Variants in FHIT observed in about 807,000 individuals in gnomAD.
FHIT encodes the protein bis(5'-adenosyl)-triphosphatase.
FHIT carries 19 observed loss-of-function variants against 17.9 expected under a neutral mutation model. The observed-to-expected ratio is 1.06, with a 90% CI of 0.74 to 1.56. The LOEUF (loss-of-function observed/expected upper bound fraction) is 1.56, where lower values mean the gene tolerates loss of function less well. FHIT is among the 40% of genes most tolerant of loss of function. FHIT has a pLI of 0.00. For missense variants in FHIT, 248 were observed against 189.2 expected (o/e 1.31, Z -1.82); for synonymous variants, 81 against 69.7 (o/e 1.16, Z -0.81).
At chr3:60,919,876 A>G (rs1707189932) in intron 3 of FHIT, among the ~76,000 whole-genome samples, 1 of 152,138 alleles carries the variant, frequency 6.6e-6, no homozygotes, top group Admixed American at 6.6e-5. Context: ...TCTACTAAAA[A>G]TACAAAACTT....
At chr3:61,071,656 A>T (rs1471861831) in intron 2 of FHIT, among the ~76,000 whole-genome samples, 1 of 152,188 alleles carries the variant, frequency 6.6e-6, no homozygotes, top group Non-Finnish European at 1.5e-5. Flanking sequence ...AAAACAGTCT[A>T]TGCAGCCTAT....
intron 1 of FHIT, among the ~76,000 whole-genome samples, chr3:61,223,789 T>C (rs909620144): frequency 2.6e-5 from 4 of 152,156 alleles, no homozygotes; most frequent in South Asian, 4.1e-4. Context: ...ACTAACACGA[T>C]GGGTCTAACA....
At chr3:60,804,107 T>C (rs1701298481) in intron 4 of FHIT, among the ~76,000 whole-genome samples, 1 of 152,098 alleles carries the variant, frequency 6.6e-6, no homozygotes, top group Non-Finnish European at 1.5e-5. Context: ...AAAAGCTCCT[T>C]TCATAACCCT....
chr3:60,082,447 T>C (rs1453653661), intron 5 of FHIT, among the ~76,000 whole-genome samples: 1 of 152,144 alleles, frequency 6.6e-6, no homozygotes, highest in East Asian at 1.9e-4. Context: ...CAGGTAGATG[T>C]ATCAGTTTGG....
intron 4 of FHIT, among the ~76,000 whole-genome samples, chr3:60,786,396 T>A (rs1553726961): frequency 6.6e-6 from 1 of 152,214 alleles, no homozygotes; most frequent in Admixed American, 6.5e-5. Context: ...AGTTATTAAG[T>A]CACTCATAAG....
At chr3:59,797,568 T>C (rs1699827000) in intron 8 of FHIT, among the ~76,000 whole-genome samples, 1 of 152,234 alleles carries the variant, frequency 6.6e-6, no homozygotes, top group Non-Finnish European at 1.5e-5. Context: ...GATGAACCAA[T>C]GCATGTAAGG....
At chr3:60,677,646 A>C (rs73099237) in intron 4 of FHIT, among the ~76,000 whole-genome samples, 1 of 93,724 alleles carries the variant, frequency 1.1e-5, no homozygotes, top group African/African-American at 3.6e-5. Context: ...GTGTGTGTGT[A>C]TATATATACA....
At chr3:60,338,940 T>C (rs1284782733) in intron 5 of FHIT, among the ~76,000 whole-genome samples, 1 of 152,168 alleles carries the variant, frequency 6.6e-6, no homozygotes, top group Non-Finnish European at 1.5e-5. Context: ...CTCAGTTTCC[T>C]TAACCCTGAA....
intron 5 of FHIT, among the ~76,000 whole-genome samples, chr3:60,362,360 C>T (rs896294095): frequency 3.9e-5 from 6 of 152,124 alleles, no homozygotes; most frequent in Admixed American, 6.5e-5. Context: ...AAGCTAAAAG[C>T]TTATCAAACA....
Position 61,206,263 on chromosome 3 carries a change from C to T in FHIT, c.-212-5598G>A, listed in dbSNP as rs1290245170. ...AAGTCAGGTAGTGTGATGCCTCCAG[C>T]TCTGTTCTTTTGGCTTAGGATTGAC... On this transcript the variant is annotated intron_variant, in intron 1 of 9. Transcript: ENST00000492590. Among the ~76,000 whole-genome samples, 10 of 131,144 alleles carry T rather than the reference C, an allele frequency of 7.6e-5. 3 individuals carry two copies. Among genetic ancestry groups the T allele is most frequent in the Non-Finnish European group, 4.9e-5 (3 of 61,682 alleles). 86.0% of individuals were successfully genotyped at this position (131,144 alleles called of 152,430 possible). A position where few individuals can be genotyped will look rare whatever the true frequency, so the allele number is the denominator to read the frequency against.
chr3:59,961,306 C>CG (rs1707667231), intron 7 of FHIT, among the ~76,000 whole-genome samples: 1 of 152,072 alleles, frequency 6.6e-6, no homozygotes, highest in Non-Finnish European at 1.5e-5. Flanking sequence ...ATACAATACA[C>CG]GTACCAAGTA....
intron 5 of FHIT, among the ~76,000 whole-genome samples, chr3:60,175,852 T>C (rs2107421955): frequency 6.6e-6 from 1 of 152,224 alleles, no homozygotes; most frequent in African/African-American, 2.4e-5. Context: ...TTAACTACCC[T>C]AGTACAACCC....
chr3:60,342,132 T>C (rs1175541533), intron 5 of FHIT, among the ~76,000 whole-genome samples: 1 of 152,206 alleles, frequency 6.6e-6, no homozygotes, highest in African/African-American at 2.4e-5. Flanking sequence ...GAACTTCCCC[T>C]GGCTTCACCC....
intron 5 of FHIT, among the ~76,000 whole-genome samples, chr3:60,030,293 A>G (rs1288851267): frequency 2.0e-5 from 3 of 152,190 alleles, no homozygotes; most frequent in African/African-American, 4.8e-5. Flanking sequence ...TTTTGACACA[A>G]AAAACAGAAT....
chr3:59,938,463 C>A (rs897840271), intron 7 of FHIT, among the ~76,000 whole-genome samples: 3 of 152,018 alleles, frequency 2.0e-5, no homozygotes, highest in Non-Finnish European at 4.4e-5. Flanking sequence ...TAGGAAGAAC[C>A]AGTCTAGAGA....
chr3:60,321,864 G>A (rs1168866839), intron 5 of FHIT, among the ~76,000 whole-genome samples: 2 of 152,196 alleles, frequency 1.3e-5, no homozygotes, highest in Admixed American at 6.5e-5. Flanking sequence ...GAAGGGGCAA[G>A]GAAGCTCCCT....
At chr3:60,335,491 T>C (rs1320771474) in intron 5 of FHIT, among the ~76,000 whole-genome samples, 1 of 152,170 alleles carries the variant, frequency 6.6e-6, no homozygotes, top group African/African-American at 2.4e-5. Flanking sequence ...CCCACATAAA[T>C]TCAAACACTA....
intron 1 of FHIT, among the ~76,000 whole-genome samples, chr3:61,206,804 CTT>C (rs1221854935): frequency 6.6e-6 from 1 of 152,108 alleles, no homozygotes; most frequent in Non-Finnish European, 1.5e-5. Flanking sequence ...ATTCAATACC[CTT>C]TATTTTCTTC....
At chr3:61,209,664 A>G (rs2039388789) in intron 1 of FHIT, among the ~76,000 whole-genome samples, 1 of 152,122 alleles carries the variant, frequency 6.6e-6, no homozygotes, top group Non-Finnish European at 1.5e-5. Flanking sequence ...CAGCTCCATC[A>G]AGTCCTTTAA....
Sources: allele counts gnomAD v4.1 joint callset (sites outside exome capture counted in the v4.1 genomes callset), GRCh38; gene constraint gnomAD v4.1.1; transcripts MANE v1.5; gene names NCBI Gene and HGNC (gene_info 2026-07-23, HGNC 2026-07-21).